Variants in DAPP1 observed in about 807,000 individuals in gnomAD.
DAPP1 encodes the protein dual adaptor of phosphotyrosine and 3-phosphoinositides 1.
Under a neutral mutation model 41.5 loss-of-function variants are expected in DAPP1, and 20 were observed. That is an observed-to-expected ratio of 0.48 (90% CI 0.34 to 0.70). The LOEUF (loss-of-function observed/expected upper bound fraction) is 0.70, where lower values mean the gene tolerates loss of function less well. Ranked by LOEUF, DAPP1 falls within the 30% of genes least tolerant of loss-of-function variation. DAPP1 has a pLI of 0.01. For missense variants in DAPP1, 233 were observed against 333.4 expected (o/e 0.70, Z 2.35); for synonymous variants, 113 against 116.2 (o/e 0.97, Z 0.18).
At chr4:99,838,867 T>C (rs540272941) in intron 2 of DAPP1, among the ~76,000 whole-genome samples, 1 of 152,186 alleles carries the variant, frequency 6.6e-6, no homozygotes, top group East Asian at 1.9e-4. Context: ...GAAAGCAAGA[T>C]AAGTGTTTAG....
intron 7 of DAPP1, 109 bp from the exon 8 acceptor site, chr4:99,865,925 A>ATTATATATTATATTATATATT (rs1265001968): frequency 2.3e-5 from 2 of 85,472 alleles, no homozygotes; most frequent in South Asian, 7.1e-4. Context: ...ATATATATAT[A>ATTATATATTATATTATATATT]ATATATATAA....
chr4:99,836,906 C>A (rs1723321029), intron 2 of DAPP1, among the ~76,000 whole-genome samples: 2 of 152,012 alleles, frequency 1.3e-5, no homozygotes, highest in African/African-American at 4.8e-5. Context: ...TGTCTTCTTC[C>A]TTCATTTTCT....
intron 2 of DAPP1, among the ~76,000 whole-genome samples, chr4:99,838,383 C>T (rs1260434526): frequency 1.3e-5 from 2 of 152,238 alleles, no homozygotes; most frequent in African/African-American, 4.8e-5. Flanking sequence ...CTTATTTGTT[C>T]ATTCTTTTAA....
At chr4:99,851,194 C>T (rs1282531146) in intron 3 of DAPP1, among the ~76,000 whole-genome samples, 1 of 152,166 alleles carries the variant, frequency 6.6e-6, no homozygotes, top group Non-Finnish European at 1.5e-5. Flanking sequence ...AAACTGTAGC[C>T]GGCCCCTTCT....
rs377247197 is a variant in DAPP1, at chr4:99,840,282, C to G, written c.225-7C>G. 6.2e-5 allele frequency: 93 copies of G among 1,501,018 alleles called. No individual in the cohort carries two copies. In the African/African-American group the frequency reaches 1.3e-3, roughly 20 times the overall value. 93.0% of individuals were successfully genotyped at this position (1,501,018 alleles called of 1,614,324 possible). ...AATAATATTAAATACTTCTTTTTCCCTTTTAGGGCCAAAGATTCTGTTAAA... is the reference window on the plus strand; with the variant it reads ...AATAATATTAAATACTTCTTTTTCCGTTTTAGGGCCAAAGATTCTGTTAAA... On this transcript the variant is annotated splice_polypyrimidine_tract_variant and splice_region_variant and intron_variant, in intron 2 of 8. Coordinates refer to ENST00000512369, the MANE Select transcript of DAPP1 (RefSeq NM_014395.3).
chr4:99,826,696 C>A (rs1335821212), intron 1 of DAPP1, among the ~76,000 whole-genome samples: 1 of 152,226 alleles, frequency 6.6e-6, no homozygotes, highest in Non-Finnish European at 1.5e-5. Flanking sequence ...CATTTGGTTG[C>A]CCATGCACAC....
intron 8 of DAPP1, among the ~76,000 whole-genome samples, chr4:99,867,494 A>G (rs1724503702): frequency 6.6e-6 from 1 of 152,234 alleles, no homozygotes. Context: ...AATATCAAGT[A>G]TTAGCATGAA....
Position 99,868,621 on chromosome 4 carries a change from C to T in DAPP1, c.*436C>T, listed in dbSNP as rs1724543637. 1.3e-5 allele frequency: 2 copies of T among 153,270 alleles called. No homozygotes were observed. Among genetic ancestry groups the T allele is most frequent in the African/African-American group, 4.8e-5 (2 of 41,342 alleles). The allele number at this position is 153,270 out of a possible 1,614,324, so 9.5% of individuals were successfully genotyped here. On this transcript the variant is annotated 3_prime_UTR_variant, in exon 9 of 9. Transcript: ENST00000512369. ...AGATACTTGGAGGCTTAGATGACTT[C>T]TGCAGGATTTATATTCAGATAGAAA... is the stretch of plus-strand genomic sequence containing the variant.
intron 3 of DAPP1, among the ~76,000 whole-genome samples, chr4:99,847,215 T>A: frequency 6.6e-6 from 1 of 152,218 alleles, no homozygotes; most frequent in Non-Finnish European, 1.5e-5. Context: ...CCTCACTGCA[T>A]AAAATAAATA....
At chr4:99,863,685 T>G in intron 6 of DAPP1, 85 bp from the exon 7 acceptor site, 1 of 867,904 alleles carries the variant, frequency 1.2e-6, no homozygotes, top group East Asian at 2.7e-5. Flanking sequence ...GTGGAAAACT[T>G]GTGAGGGGAA....
intron 3 of DAPP1, chr4:99,844,678 T>C (rs965378861): frequency 6.6e-6 from 1 of 152,152 alleles, no homozygotes; most frequent in Non-Finnish European, 1.5e-5. Context: ...CATGAAAAAA[T>C]ATAATACAAG....
At chr4:99,835,274 G>T (rs1723261646) in intron 1 of DAPP1, among the ~76,000 whole-genome samples, 1 of 152,076 alleles carries the variant, frequency 6.6e-6, no homozygotes, top group African/African-American at 2.4e-5. Flanking sequence ...CTCCCAAAGT[G>T]CTGGGATTAC....
At chr4:99,837,778 T>C (rs1227250513) in intron 2 of DAPP1, among the ~76,000 whole-genome samples, 1 of 152,164 alleles carries the variant, frequency 6.6e-6, no homozygotes, top group Non-Finnish European at 1.5e-5. Flanking sequence ...CTGTAATGTA[T>C]AATGAAATAA....
At chr4:99,829,054 A>G (rs1449949810) in intron 1 of DAPP1, among the ~76,000 whole-genome samples, 1 of 152,184 alleles carries the variant, frequency 6.6e-6, no homozygotes, top group East Asian at 1.9e-4. Flanking sequence ...GTGTGTTCCT[A>G]CCACTTTGCA....
At position 99,823,774 on chromosome 4, in the gene DAPP1, C is replaced by G. The variant is rs1578342312; in HGVS notation, c.101+6760C>G. On this transcript the variant is annotated intron_variant, in intron 1 of 8. Transcript: ENST00000512369. ...ATGATGGGTGGCAATGGGGCTAGAGCCAAGATAGTGGGTTAGTGAGGGAGT... is the reference window on the plus strand; with the variant it reads ...ATGATGGGTGGCAATGGGGCTAGAGGCAAGATAGTGGGTTAGTGAGGGAGT... 2.0e-5 allele frequency among the ~76,000 whole-genome samples: 3 copies of G among 152,162 alleles called. No individual in the cohort carries two copies. The South Asian group carries it at 6.2e-4, about 32-fold the overall frequency.
chr4:99,817,144 T>G lies in DAPP1; in HGVS notation c.101+130T>G, dbSNP rs924071325. On this transcript the variant is annotated intron_variant, in intron 1 of 8. Coordinates refer to ENST00000512369, the MANE Select transcript of DAPP1 (RefSeq NM_014395.3). The stretch of plus-strand genomic sequence containing the variant: ...TCTGCCACCTCAACCATTTATTTTT[T>G]TCCACTTTATTCATTTGTATCTGTT... 33 of 593,642 alleles carry G rather than the reference T, an allele frequency of 5.6e-5. No homozygotes were observed. The South Asian group carries it at 7.9e-4, about 14-fold the overall frequency. 36.8% of individuals were successfully genotyped at this position (593,642 alleles called of 1,614,324 possible).
intron 5 of DAPP1, among the ~76,000 whole-genome samples, chr4:99,862,296 C>G (rs1481477021): frequency 6.6e-6 from 1 of 152,166 alleles, no homozygotes; most frequent in African/African-American, 2.4e-5. Flanking sequence ...TATTCATATT[C>G]ATAGCATATT....
At chr4:99,819,100 T>G (rs1722684915) in intron 1 of DAPP1, among the ~76,000 whole-genome samples, 1 of 152,240 alleles carries the variant, frequency 6.6e-6, no homozygotes, top group Admixed American at 6.5e-5. Flanking sequence ...GCATTTCGAT[T>G]AGCAACTTTA....
In DAPP1 at chr4:99,868,265, A is replaced by T; in HGVS notation, c.*80A>T. 7.9e-7 allele frequency: 1 copy of T among 1,259,960 alleles called. No individual in the cohort carries two copies. The highest frequency in any genetic ancestry group is 1.2e-6 in the Non-Finnish European group (1 of 865,618). The allele number at this position is 1,259,960 out of a possible 1,614,324, so 78.0% of individuals were successfully genotyped here. ...ACGCTGTGATCTGCAGCAGGCTTCA[A>T]ATGAAAACCGACTAAGGATTTTCTT... is the stretch of plus-strand genomic sequence containing the variant. On this transcript the variant is annotated 3_prime_UTR_variant, in exon 9 of 9. Coordinates refer to ENST00000512369, the MANE Select transcript of DAPP1 (RefSeq NM_014395.3).
Sources: gnomAD v4.1 joint callset for allele counts (sites outside exome capture counted in the v4.1 genomes callset) on GRCh38, gnomAD v4.1.1 for gene constraint, MANE v1.5 for transcripts, NCBI Gene and HGNC (gene_info 2026-07-23, HGNC 2026-07-21) for gene names.